CELF4: variants seen among roughly 807,000 people sequenced by gnomAD.
CELF4 encodes the protein CUG-BP- and ETR-3-like factor 4.
CELF4 carries 18 observed loss-of-function variants against 59.9 expected under a neutral mutation model. That is an observed-to-expected ratio of 0.30 (90% CI 0.21 to 0.45). CELF4 has a LOEUF of 0.45. Among genes scored for constraint, CELF4 ranks in the 20% least tolerant of loss-of-function variants. The pLI is 1.00. For synonymous variants in CELF4, 261 were observed against 267.1 expected, an observed-to-expected ratio of 0.98 and a Z score of 0.22; for missense variants, 456 against 689.0, an observed-to-expected ratio of 0.66 and a Z score of 3.79.
intron 3 of CELF4, among the ~76,000 whole-genome samples, chr18:37,293,853 A>G (rs2095488593): frequency 6.6e-6 from 1 of 152,082 alleles, no homozygotes; most frequent in South Asian, 2.1e-4. Flanking sequence ...CTTCCATCAG[A>G]TTCTCAAAAG....
intron 3 of CELF4, among the ~76,000 whole-genome samples, chr18:37,288,887 A>G (rs1230060128): frequency 6.6e-6 from 1 of 152,110 alleles, no homozygotes; most frequent in South Asian, 2.1e-4. Flanking sequence ...GAACAGAAAT[A>G]TTGCCTCTTA....
chr18:37,523,273 T>C (rs1014065272), intron 1 of CELF4, among the ~76,000 whole-genome samples: 1 of 152,196 alleles, frequency 6.6e-6, no homozygotes, highest in Non-Finnish European at 1.5e-5. Context: ...ACAGTTGACA[T>C]GGATCCATTC....
intron 2 of CELF4, among the ~76,000 whole-genome samples, chr18:37,459,654 C>T (rs1381616985): frequency 6.6e-6 from 1 of 152,096 alleles, no homozygotes; most frequent in East Asian, 1.9e-4. Context: ...GGCCATGTGA[C>T]CTTGGCCTCA....
intron 2 of CELF4, among the ~76,000 whole-genome samples, chr18:37,358,891 C>T (rs535314504): frequency 3.9e-5 from 6 of 152,236 alleles, no homozygotes; most frequent in Admixed American, 2.6e-4. Context: ...ATCATGAGGT[C>T]AGGAGTTCGA....
At chr18:37,383,403 A>G (rs1438543643) in intron 2 of CELF4, among the ~76,000 whole-genome samples, 1 of 152,244 alleles carries the variant, frequency 6.6e-6, no homozygotes, top group Non-Finnish European at 1.5e-5. Flanking sequence ...ACTTGGTTTT[A>G]TACTGAATAA....
intron 2 of CELF4, among the ~76,000 whole-genome samples, chr18:37,360,870 C>A (rs2098692947): frequency 6.6e-6 from 1 of 152,212 alleles, no homozygotes; most frequent in African/African-American, 2.4e-5. Flanking sequence ...GACAAAATCC[C>A]TCACCCTTGC....
chr18:37,491,633 A>C (rs958139904), intron 1 of CELF4, among the ~76,000 whole-genome samples: 1 of 152,178 alleles, frequency 6.6e-6, no homozygotes, highest in Non-Finnish European at 1.5e-5. Flanking sequence ...AAAAGTTGGC[A>C]GAGTGAGGAG....
At chr18:37,551,481 A>G (rs1539853) in intron 1 of CELF4, among the ~76,000 whole-genome samples, 96,465 of 152,094 alleles carry the variant, frequency 0.63, 32,890 homozygotes, top group East Asian at 0.84. Flanking sequence ...CAGCTGCAAG[A>G]CCAGTGTCAC....
chr18:37,407,241 T>C (rs1284081678), intron 2 of CELF4, among the ~76,000 whole-genome samples: 1 of 152,084 alleles, frequency 6.6e-6, no homozygotes, highest in Non-Finnish European at 1.5e-5. Context: ...TCCGAAAACA[T>C]TGTCCCTACC....
At chr18:37,316,949 T>C (rs569651796) in intron 3 of CELF4, among the ~76,000 whole-genome samples, 8 of 152,280 alleles carry the variant, frequency 5.3e-5, no homozygotes, top group African/African-American at 1.9e-4. Flanking sequence ...TGGGTTCTGG[T>C]GGCTGACAGG....
chr18:37,361,059 G>A (rs1021417543), intron 2 of CELF4, among the ~76,000 whole-genome samples: 1 of 151,996 alleles, frequency 6.6e-6, no homozygotes, highest in African/African-American at 2.4e-5. Context: ...CTCATGTTGG[G>A]GCCCCCAGCA....
intron 1 of CELF4, among the ~76,000 whole-genome samples, chr18:37,533,148 T>C (rs2099970856): frequency 6.6e-6 from 1 of 152,242 alleles, no homozygotes; most frequent in Non-Finnish European, 1.5e-5. Flanking sequence ...GGCACGTGGC[T>C]GCGGGTACAC....
At position 37,274,462 on chromosome 18, in the gene CELF4, C is replaced by T; in HGVS notation, c.658-8G>A. On this transcript the variant is annotated splice_polypyrimidine_tract_variant and splice_region_variant and intron_variant, in intron 5 of 12. Transcript: ENST00000420428. ...CAGACTGGACGAGGCTCCCTGCGGC[C>T]GGGGCGGCGCGTGAGACCCACCTGC... 6.2e-7 allele frequency: 1 copy of T among 1,612,138 alleles called. No individual in the cohort carries two copies. The highest frequency in any genetic ancestry group is 8.5e-7 in the Non-Finnish European group (1 of 1,179,492).
intron 3 of CELF4, among the ~76,000 whole-genome samples, chr18:37,316,203 A>T (rs2096864315): frequency 6.6e-6 from 1 of 152,138 alleles, no homozygotes; most frequent in African/African-American, 2.4e-5. Flanking sequence ...GGGAGGTATC[A>T]TCACCTCTGA....
At chr18:37,420,447 G>A (rs2099571060) in intron 2 of CELF4, among the ~76,000 whole-genome samples, 2 of 152,232 alleles carry the variant, frequency 1.3e-5, no homozygotes, top group South Asian at 2.1e-4. Flanking sequence ...GAAAGGCTTT[G>A]TGTAGGAGGT....
chr18:37,512,383 C>T (rs1045770219), intron 1 of CELF4, among the ~76,000 whole-genome samples: 9 of 152,144 alleles, frequency 5.9e-5, no homozygotes, highest in African/African-American at 1.9e-4. Context: ...TTCTTTCCTC[C>T]TCCTCTTTCT....
At chr18:37,335,334 T>C (rs922823543) in intron 2 of CELF4, among the ~76,000 whole-genome samples, 4 of 150,182 alleles carry the variant, frequency 2.7e-5, no homozygotes, top group African/African-American at 9.8e-5. Flanking sequence ...AGGGCTGGAG[T>C]GTATGGTGAG....
intron 2 of CELF4, among the ~76,000 whole-genome samples, chr18:37,389,356 G>A (rs746294042): frequency 7.2e-5 from 11 of 152,266 alleles, no homozygotes; most frequent in South Asian, 6.2e-4. Context: ...GCAGGCCACC[G>A]GAATGTAGGG....
At chr18:37,496,827 A>G (rs1392145538) in intron 1 of CELF4, among the ~76,000 whole-genome samples, 1 of 152,216 alleles carries the variant, frequency 6.6e-6, no homozygotes, top group Non-Finnish European at 1.5e-5. Context: ...GCATTTAGCA[A>G]TATTTAACCT....
Sources: allele counts gnomAD v4.1 joint callset (sites outside exome capture counted in the v4.1 genomes callset), GRCh38; gene constraint gnomAD v4.1.1; transcripts MANE v1.5; gene names NCBI Gene and HGNC (gene_info 2026-07-23, HGNC 2026-07-21).